The following KPNA3 variants were observed in gnomAD, a reference collection of about 807,000 sequenced individuals.
KPNA3 encodes importin subunit alpha-4.
In KPNA3, 13 loss-of-function variants were observed where a neutral mutation model predicts 73.8. The ratio of observed to expected loss-of-function variants is 0.18; its 90% CI spans 0.11 to 0.28. KPNA3 has a LOEUF of 0.28. Among genes scored for constraint, KPNA3 ranks in the 10% least tolerant of loss-of-function variants. KPNA3 has a pLI of 1.00. For missense variants in KPNA3, 360 were observed against 618.1 expected, an observed-to-expected ratio of 0.58 and a Z score of 4.43; for synonymous variants, 186 against 206.9, an observed-to-expected ratio of 0.90 and a Z score of 0.87.
At chr13:49,792,396 C>A in intron 1 of KPNA3, 42 bp downstream of exon 1, 1 of 1,461,772 alleles carries the variant, frequency 6.8e-7, no homozygotes, top group Non-Finnish European at 9.2e-7. Flanking sequence ...CGTCGCCGGG[C>A]CGGCGCGGCC....
chr13:49,725,224 T>C (rs1266543607), intron 7 of KPNA3, among the ~76,000 whole-genome samples, 192 bp downstream of exon 7: 1 of 152,228 alleles, frequency 6.6e-6, no homozygotes, highest in Non-Finnish European at 1.5e-5. Flanking sequence ...TCTACTCTTC[T>C]TTTAATAACC....
At position 49,761,702 on chromosome 13, in the gene KPNA3, C is replaced by G. The variant is rs1439022255; in HGVS notation, c.70-14709G>C. ...GGAGCGTCTCTGCCTGGCCGCCCAT[C>G]GTCTGGGATGTGAGGAGCCCCTCTG... is the stretch of plus-strand genomic sequence containing the variant. On this transcript the variant is annotated intron_variant, in intron 1 of 16. Transcript: ENST00000261667. Among the ~76,000 whole-genome samples the G allele has an allele frequency of 1.7e-3, 262 of 151,768 alleles. 1 individual carries two copies. Among genetic ancestry groups the G allele is most frequent in the African/African-American group, 5.2e-3 (214 of 41,196 alleles).
In KPNA3 at chr13:49,706,308, T is replaced by A; in HGVS notation, c.1097A>T (p.Asp366Val). 6.2e-7 allele frequency: 1 copy of A among 1,614,140 alleles called. No homozygotes were observed. The highest frequency in any genetic ancestry group is 8.5e-7 in the Non-Finnish European group (1 of 1,180,000). The part of the protein sequence containing the change: ...GNQQQVQAVI[D>V]AGLIPMIIHQ... ...AATTATCATAGGAATTAATCCAGCA[T>A]CTATTACAGCTTGAACTTGTTGCTG... The change falls in exon 13 of 17, where the codon GAT becomes GTT. Residue 366 changes from aspartate (D) to valine (V), a missense_variant. By Grantham distance (152) the Asp-to-Val change is radical (BLOSUM62 -3). Coordinates refer to ENST00000261667, the MANE Select transcript of KPNA3 (RefSeq NM_002267.4).
At chr13:49,724,852 C>T (rs184237295) in intron 7 of KPNA3, among the ~76,000 whole-genome samples, 48 of 152,348 alleles carry the variant, frequency 3.2e-4, no homozygotes, top group Admixed American at 5.2e-4. Flanking sequence ...TTGCCTTAGC[C>T]TCCCAAAGTG....
intron 10 of KPNA3, among the ~76,000 whole-genome samples, chr13:49,711,727 A>C (rs1954262018): frequency 6.6e-6 from 1 of 152,212 alleles, no homozygotes; most frequent in Non-Finnish European, 1.5e-5. Context: ...GAATATAAGC[A>C]CTGGTTGTAG....
intron 1 of KPNA3, among the ~76,000 whole-genome samples, chr13:49,764,745 C>A (rs1460293992): frequency 2.0e-5 from 3 of 149,860 alleles, no homozygotes; most frequent in African/African-American, 7.5e-5. Context: ...ATGACCATGT[C>A]TTTCACTTAA....
Position 49,761,612 on chromosome 13 carries a change from G to A in KPNA3, c.70-14619C>T, listed in dbSNP as rs371071087. Reference sequence around the variant, plus strand: ...TACAACCTCCACCTCCCAGCCGCCTGCCTTGGCCTCCCAAAGTGCCGAGAT... The same window carrying A: ...TACAACCTCCACCTCCCAGCCGCCTACCTTGGCCTCCCAAAGTGCCGAGAT... On this transcript the variant is annotated intron_variant, in intron 1 of 16. Transcript: ENST00000261667. 6.2e-4 allele frequency among the ~76,000 whole-genome samples: 95 copies of A among 152,334 alleles called. 1 individual carries two copies. The East Asian group carries it at 0.017, about 28-fold the overall frequency.
At chr13:49,791,887 A>G (rs1955036100) in intron 1 of KPNA3, among the ~76,000 whole-genome samples, 1 of 152,082 alleles carries the variant, frequency 6.6e-6, no homozygotes, top group African/African-American at 2.4e-5. Flanking sequence ...ATCACCCTCA[A>G]ACAAGTCAGT....
intron 14 of KPNA3, 83 bp downstream of exon 14, chr13:49,706,015 T>C: frequency 7.9e-7 from 1 of 1,262,584 alleles, no homozygotes. Context: ...AAGAACACAA[T>C]ACAGTCAGCA....
chr13:49,777,113 T>C (rs1008926717), intron 1 of KPNA3, among the ~76,000 whole-genome samples: 13 of 152,244 alleles, frequency 8.5e-5, no homozygotes, highest in Non-Finnish European at 1.5e-5. Context: ...GCACATGCAA[T>C]ATCCAATCCC....
chr13:49,762,555 AT>A (rs1954776242), intron 1 of KPNA3, among the ~76,000 whole-genome samples: 2 of 152,340 alleles, frequency 1.3e-5, no homozygotes, highest in African/African-American at 4.8e-5. Flanking sequence ...CTGTTGATCT[AT>A]GACCTTGCCC....
chr13:49,751,529 T>C (rs909246139), intron 1 of KPNA3, among the ~76,000 whole-genome samples: 5 of 152,194 alleles, frequency 3.3e-5, no homozygotes, highest in African/African-American at 1.2e-4. Flanking sequence ...GAATAAAATG[T>C]GTCAATGATT....
At chr13:49,741,000 G>C (rs1053085504) in intron 2 of KPNA3, among the ~76,000 whole-genome samples, 1 of 152,150 alleles carries the variant, frequency 6.6e-6, no homozygotes. Context: ...AGGCTAAAAA[G>C]TATTCCACTA....
intron 1 of KPNA3, among the ~76,000 whole-genome samples, chr13:49,747,380 G>C (rs1954626130): frequency 6.6e-6 from 1 of 151,148 alleles, no homozygotes. Context: ...AAAAAACTCA[G>C]GTATTTGAGT....
At chr13:49,703,256 C>T (rs1954167436) in intron 15 of KPNA3, among the ~76,000 whole-genome samples, 1 of 148,804 alleles carries the variant, frequency 6.7e-6, no homozygotes, top group Non-Finnish European at 1.5e-5. Flanking sequence ...CGTCTCGGCT[C>T]ACTGCAACCT....
intron 6 of KPNA3, among the ~76,000 whole-genome samples, chr13:49,729,074 A>G (rs1369880250): frequency 6.6e-6 from 1 of 152,242 alleles, no homozygotes; most frequent in East Asian, 1.9e-4. Context: ...TATCACTTAC[A>G]AAAGTGTCTT....
At chr13:49,766,701 C>T (rs1954810446) in intron 1 of KPNA3, among the ~76,000 whole-genome samples, 1 of 152,154 alleles carries the variant, frequency 6.6e-6, no homozygotes, top group South Asian at 2.1e-4. Context: ...AAACTTCAAA[C>T]TTCCTTCTCT....
At chr13:49,790,650 A>G (rs1447990465) in intron 1 of KPNA3, among the ~76,000 whole-genome samples, 1 of 152,242 alleles carries the variant, frequency 6.6e-6, no homozygotes, top group Non-Finnish European at 1.5e-5. Flanking sequence ...GACCAATACC[A>G]GGCTGAATGG....
chr13:49,745,923 C>T (rs143825517), intron 2 of KPNA3, among the ~76,000 whole-genome samples: 3,113 of 151,180 alleles, frequency 0.021, 44 homozygotes, highest in South Asian at 0.03. Flanking sequence ...ATTAGCCGGA[C>T]GAGGTGGTGG....
Sources: allele counts gnomAD v4.1 joint callset (sites outside exome capture counted in the v4.1 genomes callset), GRCh38; gene constraint gnomAD v4.1.1; transcripts MANE v1.5; gene names NCBI Gene and HGNC (gene_info 2026-07-23, HGNC 2026-07-21).